Variants in COL27A1 observed in about 807,000 individuals in gnomAD.
COL27A1 encodes the protein collagen alpha-1(XXVII) chain.
In COL27A1, 106 loss-of-function variants were observed where a neutral mutation model predicts 251.3. The observed-to-expected ratio is 0.42, with a 90% CI of 0.36 to 0.50. The LOEUF (loss-of-function observed/expected upper bound fraction) is 0.50. COL27A1 is among the 20% of genes least tolerant of loss of function. COL27A1 has a pLI of 0.00. For missense variants in COL27A1, 2,325 were observed against 2,522.8 expected, an observed-to-expected ratio of 0.92 and a Z score of 1.68; for synonymous variants, 1,000 against 986.3, an observed-to-expected ratio of 1.01 and a Z score of -0.26.
intron 24 of COL27A1, among the ~76,000 whole-genome samples, chr9:114,247,223 G>A (rs1340544779): frequency 6.6e-5 from 10 of 152,130 alleles, no homozygotes; most frequent in Non-Finnish European, 1.3e-4. Flanking sequence ...TGTAACAGCG[G>A]CCTCAATTTT....
At chr9:114,288,087 G>A (rs971043579) in intron 41 of COL27A1, among the ~76,000 whole-genome samples, 1 of 152,088 alleles carries the variant, frequency 6.6e-6, no homozygotes, top group Admixed American at 6.6e-5. Flanking sequence ...ACCCCACTCC[G>A]CTCTGTTCTC....
At chr9:114,282,215 A>C (rs1835955116) in intron 37 of COL27A1, 62 bp from the exon 38 acceptor site, 1 of 1,503,356 alleles carries the variant, frequency 6.7e-7, no homozygotes, top group Admixed American at 1.7e-5. Context: ...CGCCTTGCGG[A>C]TCCGCCTCAG....
intron 4 of COL27A1, among the ~76,000 whole-genome samples, chr9:114,179,917 C>T (rs757601390): frequency 2.7e-5 from 4 of 147,550 alleles, no homozygotes; most frequent in Non-Finnish European, 5.9e-5. Context: ...GGGCTCACTG[C>T]AGCCTCCACC....
At chr9:114,162,202 G>A (rs1379610921) in intron 1 of COL27A1, among the ~76,000 whole-genome samples, 2 of 152,202 alleles carry the variant, frequency 1.3e-5, no homozygotes, top group Admixed American at 1.3e-4. Flanking sequence ...TGCCCTGTGT[G>A]GGAATTGGTC....
intron 57 of COL27A1, among the ~76,000 whole-genome samples, chr9:114,305,665 A>G (rs887846609): frequency 6.6e-5 from 10 of 151,788 alleles, no homozygotes; most frequent in African/African-American, 2.4e-4. Context: ...CACCAGGGGG[A>G]GGCACCACCG....
intron 5 of COL27A1, among the ~76,000 whole-genome samples, chr9:114,185,364 C>T (rs1449117188): frequency 6.6e-6 from 1 of 152,248 alleles, no homozygotes; most frequent in Non-Finnish European, 1.5e-5. Context: ...AAATGTCATG[C>T]CCTTTGCCTG....
At chr9:114,283,319 T>C (rs1262761509) in intron 39 of COL27A1, among the ~76,000 whole-genome samples, 1 of 152,076 alleles carries the variant, frequency 6.6e-6, no homozygotes, top group Non-Finnish European at 1.5e-5. Context: ...TGAGTGTAGG[T>C]AGGAGGAAAA....
At chr9:114,294,299 C>G (rs1048101466) in intron 49 of COL27A1, among the ~76,000 whole-genome samples, 1 of 149,346 alleles carries the variant, frequency 6.7e-6, no homozygotes, top group African/African-American at 2.5e-5. Flanking sequence ...ATAACTTTTC[C>G]AGAACATTGA....
chr9:114,284,979 C>T (rs1210246742), intron 41 of COL27A1, among the ~76,000 whole-genome samples: 1 of 152,240 alleles, frequency 6.6e-6, no homozygotes, highest in East Asian at 1.9e-4. Context: ...GCACTATGTG[C>T]TGGGTATCAT....
At chr9:114,207,752 C>T (rs1218519531) in intron 10 of COL27A1, among the ~76,000 whole-genome samples, 4 of 152,232 alleles carry the variant, frequency 2.6e-5, no homozygotes, top group Non-Finnish European at 4.4e-5. Flanking sequence ...GCTTTGAGAC[C>T]TGCCCTGCCA....
At chr9:114,310,503 A>G in intron 60 of COL27A1, 46 bp from the exon 61 acceptor site, 2 of 1,607,612 alleles carry the variant, frequency 1.2e-6, no homozygotes, top group Non-Finnish European at 1.7e-6. Flanking sequence ...GATGTATGAT[A>G]AGAATCACGA....
At chr9:114,212,240 T>C (rs986140478) in intron 12 of COL27A1, among the ~76,000 whole-genome samples, 1 of 152,190 alleles carries the variant, frequency 6.6e-6, no homozygotes, top group African/African-American at 2.4e-5. Flanking sequence ...TGCTCCCAGC[T>C]TCAGGGCAAG....
intron 21 of COL27A1, 54 bp from the exon 22 acceptor site, chr9:114,242,133 G>C: frequency 6.7e-7 from 1 of 1,486,826 alleles, no homozygotes; most frequent in African/African-American, 1.4e-5. Flanking sequence ...ATCTCTGCAA[G>C]TCCAACTGGA....
chr9:114,264,808 G>A lies in COL27A1; in HGVS notation c.3250-116G>A, dbSNP rs1390523258. The A allele has an allele frequency of 6.4e-6, 7 of 1,094,564 alleles. No homozygotes were observed. In the Admixed American group the frequency reaches 6.8e-5, roughly 11 times the overall value. 67.8% of individuals were successfully genotyped at this position (1,094,564 alleles called of 1,614,324 possible). ...TTTCCCATCTGCACCATGGAAAGGGGGCAGACTCTGTGGCCTCAAACGGGT... is the reference window on the plus strand; with the variant it reads ...TTTCCCATCTGCACCATGGAAAGGGAGCAGACTCTGTGGCCTCAAACGGGT... On this transcript the variant is annotated intron_variant, in intron 29 of 60. Coordinates refer to ENST00000356083, the MANE Select transcript of COL27A1 (RefSeq NM_032888.4).
At chr9:114,303,799 G>A (rs1305558193) in intron 56 of COL27A1, among the ~76,000 whole-genome samples, 1 of 152,218 alleles carries the variant, frequency 6.6e-6, no homozygotes, top group Non-Finnish European at 1.5e-5. Flanking sequence ...CCCAGTGGTA[G>A]GGTTGGGAGT....
chr9:114,269,074 G>A (rs1834941636), intron 34 of COL27A1, 167 bp from the exon 35 acceptor site: 1 of 553,902 alleles, frequency 1.8e-6, no homozygotes, highest in Non-Finnish European at 3.3e-6. Flanking sequence ...CTTGGAACAG[G>A]AGCTCTGGTT....
chr9:114,251,372 A>G (rs1833533412), intron 25 of COL27A1, among the ~76,000 whole-genome samples: 1 of 151,848 alleles, frequency 6.6e-6, no homozygotes, highest in Non-Finnish European at 1.5e-5. Context: ...GCCACACTCT[A>G]TCACTCTATG....
chr9:114,236,076 G>A (rs186120630), intron 17 of COL27A1, among the ~76,000 whole-genome samples: 37 of 151,970 alleles, frequency 2.4e-4, no homozygotes, highest in Non-Finnish European at 4.7e-4. Flanking sequence ...CCACTGAACC[G>A]CCTGCCGTGG....
At position 114,310,560 on chromosome 9, in the gene COL27A1, C is replaced by A; in HGVS notation, c.5448C>A (p.Gly1816=). ...CCTTCTGCCTTCAGGTCCAAGATGGCCGCTGGCATCAGACACTCTTCACCT... is the reference window on the plus strand; with the variant it reads ...CCTTCTGCCTTCAGGTCCAAGATGGACGCTGGCATCAGACACTCTTCACCT... ...VSMDGCKVQD[G]RWHQTLFTFR... is the part of the protein sequence containing the mutation. The change falls in exon 61 of 61, where the codon GGC becomes GGA. Residue 1816 remains glycine (G), a synonymous_variant. Coordinates refer to ENST00000356083, the MANE Select transcript of COL27A1 (RefSeq NM_032888.4). 1 of 1,614,190 alleles carries A rather than the reference C, an allele frequency of 6.2e-7. No individual in the cohort carries two copies. The highest frequency in any genetic ancestry group is 8.5e-7 in the Non-Finnish European group (1 of 1,180,028).
Sources: gnomAD v4.1 joint callset for allele counts (sites outside exome capture counted in the v4.1 genomes callset) on GRCh38, gnomAD v4.1.1 for gene constraint, MANE v1.5 for transcripts, NCBI Gene and HGNC (gene_info 2026-07-23, HGNC 2026-07-21) for gene names.